The following PCDHA10 variants were observed in gnomAD, a reference collection of about 807,000 sequenced individuals.
PCDHA10 encodes protocadherin alpha 10, also known as protocadherin alpha-10.
Under a neutral mutation model 61.2 loss-of-function variants are expected in PCDHA10, and 45 were observed. The observed-to-expected ratio is 0.74, with a 90% CI of 0.58 to 0.94. PCDHA10 has a LOEUF of 0.94. Among genes scored for constraint, PCDHA10 ranks in the 40% least tolerant of loss-of-function variants. The pLI is 0.00. For synonymous variants in PCDHA10, 602 were observed against 548.8 expected (o/e 1.10, Z -1.35); for missense variants, 1,278 against 1,236.2 (o/e 1.03, Z -0.51).
chr5:140,990,977 G>T (rs1554251868), intron 3 of PCDHA10, among the ~76,000 whole-genome samples: 1 of 152,156 alleles, frequency 6.6e-6, no homozygotes, highest in African/African-American at 2.4e-5. Context: ...CAAGAGAAAG[G>T]AAGACAATAG....
chr5:140,879,470 T>C (rs73793510), intron 1 of PCDHA10, among the ~76,000 whole-genome samples: 2,106 of 152,256 alleles, frequency 0.014, 41 homozygotes, highest in African/African-American at 0.048. Flanking sequence ...GAGAATACCG[T>C]TGTGATTGGA....
intron 1 of PCDHA10, among the ~76,000 whole-genome samples, chr5:140,881,137 A>G (rs1554171789): frequency 6.6e-6 from 1 of 152,246 alleles, no homozygotes; most frequent in Non-Finnish European, 1.5e-5. Context: ...AGAGATAGTT[A>G]TAACAATAGA....
At chr5:140,943,592 T>C (rs900549060) in intron 1 of PCDHA10, among the ~76,000 whole-genome samples, 2 of 152,152 alleles carry the variant, frequency 1.3e-5, no homozygotes, top group African/African-American at 2.4e-5. Flanking sequence ...TGGGGCTGAA[T>C]TCTAAATATA....
chr5:140,883,575 G>C (rs782472492), intron 1 of PCDHA10: 87 of 1,613,954 alleles, frequency 5.4e-5, no homozygotes, highest in Non-Finnish European at 7.4e-5. Context: ...CCTTCGCTGT[G>C]GGCCACGGCC....
chr5:140,986,204 T>A (rs2097190386), intron 3 of PCDHA10, among the ~76,000 whole-genome samples: 1 of 152,224 alleles, frequency 6.6e-6, no homozygotes, highest in African/African-American at 2.4e-5. Context: ...TAATCCTGAT[T>A]ACTGGCCCCT....
At chr5:140,920,636 G>C (rs1477753704) in intron 1 of PCDHA10, among the ~76,000 whole-genome samples, 1 of 152,096 alleles carries the variant, frequency 6.6e-6, no homozygotes, top group Non-Finnish European at 1.5e-5. Context: ...ACAAGGTCAA[G>C]AGATTGAGAC....
At chr5:140,930,842 T>C (rs183476886) in intron 1 of PCDHA10, among the ~76,000 whole-genome samples, 1 of 152,338 alleles carries the variant, frequency 6.6e-6, no homozygotes, top group Admixed American at 6.5e-5. Flanking sequence ...TGAATAAATA[T>C]GTGCATATAT....
At chr5:140,906,807 A>G (rs2072952420) in intron 1 of PCDHA10, among the ~76,000 whole-genome samples, 1 of 152,004 alleles carries the variant, frequency 6.6e-6, no homozygotes, top group African/African-American at 2.4e-5. Flanking sequence ...ACTCTTCCTT[A>G]CCTCCACTGT....
intron 1 of PCDHA10, among the ~76,000 whole-genome samples, chr5:140,937,309 T>G (rs1210222120): frequency 6.6e-6 from 1 of 152,102 alleles, no homozygotes; most frequent in African/African-American, 2.4e-5. Flanking sequence ...AGTGCTGGGA[T>G]TACAGGCGTG....
At chr5:140,912,897 G>GT (rs1364534308) in intron 1 of PCDHA10, among the ~76,000 whole-genome samples, 12 of 152,290 alleles carry the variant, frequency 7.9e-5, no homozygotes, top group Admixed American at 3.3e-4. Context: ...TTGATATGAT[G>GT]TATCATATTG....
intron 1 of PCDHA10, among the ~76,000 whole-genome samples, chr5:140,938,050 A>G (rs1169641392): frequency 6.6e-6 from 1 of 152,116 alleles, no homozygotes; most frequent in African/African-American, 2.4e-5. Context: ...TGGGTTTTCT[A>G]CATATACTGT....
Position 140,925,562 on chromosome 5 carries a change from G to A in PCDHA10, c.2389-53387G>A, listed in dbSNP as rs28620116. On this transcript the variant is annotated intron_variant, in intron 1 of 3. Transcript: ENST00000307360. ...ACCTAATGTAAATGACAAGTTAATG[G>A]GTGCAGCACACCAACATGGCGCATG... 5.5e-3 allele frequency among the ~76,000 whole-genome samples: 841 copies of A among 151,670 alleles called. 7 individuals carry two copies. The highest frequency in any genetic ancestry group is 0.018 in the African/African-American group (764 of 41,334).
chr5:140,897,340 C>T, intron 1 of PCDHA10, among the ~76,000 whole-genome samples: 1 of 122,942 alleles, frequency 8.1e-6, no homozygotes, highest in Non-Finnish European at 1.6e-5. Context: ...CCCCTCCCCC[C>T]ACCCCACAAC....
At chr5:141,004,839 C>G (rs1168305271) in intron 3 of PCDHA10, among the ~76,000 whole-genome samples, 1 of 152,168 alleles carries the variant, frequency 6.6e-6, no homozygotes, top group Non-Finnish European at 1.5e-5. Context: ...AGATCAAAGT[C>G]ATTAGTCTCA....
chr5:140,969,305 A>C (rs1481597194), intron 1 of PCDHA10: 1 of 1,614,206 alleles, frequency 6.2e-7, no homozygotes, highest in East Asian at 2.2e-5. Flanking sequence ...GATTATTCTC[A>C]AAAATGAGGC....
intron 1 of PCDHA10, among the ~76,000 whole-genome samples, chr5:140,874,484 G>A (rs1438670057): frequency 6.6e-6 from 1 of 152,190 alleles, no homozygotes; most frequent in African/African-American, 2.4e-5. Context: ...AAAGCAAAAG[G>A]TTGATATCAA....
At chr5:140,997,978 C>T (rs1205743045) in intron 3 of PCDHA10, among the ~76,000 whole-genome samples, 2 of 152,182 alleles carry the variant, frequency 1.3e-5, no homozygotes, top group African/African-American at 2.4e-5. Context: ...TTGGACTGCA[C>T]TTGTTACATA....
chr5:140,923,220 G>A (rs1264496576), intron 1 of PCDHA10, among the ~76,000 whole-genome samples: 5 of 71,932 alleles, frequency 7.0e-5, no homozygotes, highest in African/African-American at 2.1e-4. Flanking sequence ...TGAAAGGATC[G>A]TTTGAGCCCA....
rs1028376160 is a variant in PCDHA10 at position 140,924,281 on chromosome 5, C to T, written c.2389-54668C>T. Among the ~76,000 whole-genome samples the T allele has an allele frequency of 2.6e-5, 4 of 152,170 alleles. No individual in the cohort carries two copies. The East Asian group carries it at 7.7e-4, about 29-fold the overall frequency. ...TAATGAGGTCTGTACTTGTGACTAC[C>T]TAATAGGCTGACATGTTTCCTCCTT... is the stretch of plus-strand genomic sequence containing the variant. On this transcript the variant is annotated intron_variant, in intron 1 of 3. Coordinates refer to ENST00000307360, the MANE Select transcript of PCDHA10 (RefSeq NM_018901.4).
Sources: allele counts gnomAD v4.1 joint callset (sites outside exome capture counted in the v4.1 genomes callset), GRCh38; gene constraint gnomAD v4.1.1; transcripts MANE v1.5; gene names NCBI Gene and HGNC (gene_info 2026-07-23, HGNC 2026-07-21).